The following NOD1 variants were observed in gnomAD, a reference collection of about 807,000 sequenced individuals.
The protein encoded by NOD1 is nucleotide-binding oligomerization domain-containing protein 1.
A neutral mutation model predicts 81.2 loss-of-function variants in NOD1; 70 were observed. That is an observed-to-expected ratio of 0.86 (90% CI 0.71 to 1.05). The LOEUF is 1.05. Among genes scored for constraint, NOD1 ranks in the 50% least tolerant of loss-of-function variants. NOD1 has a pLI of 0.00. For synonymous variants in NOD1, 508 were observed against 526.9 expected, an observed-to-expected ratio of 0.96 and a Z score of 0.49; for missense variants, 1,233 against 1,228.0, an observed-to-expected ratio of 1.00 and a Z score of -0.06.
chr7:30,462,964 A>G (rs1787284225), intron 1 of NOD1, among the ~76,000 whole-genome samples: 1 of 151,578 alleles, frequency 6.6e-6, no homozygotes, highest in African/African-American at 2.4e-5. Context: ...AAAAAAAAAA[A>G]AGATTTCATG....
At chr7:30,457,761 C>A (rs151331508) in intron 3 of NOD1, among the ~76,000 whole-genome samples, 2 of 152,072 alleles carry the variant, frequency 1.3e-5, no homozygotes, top group Non-Finnish European at 2.9e-5. Context: ...GGTCTCAGCA[C>A]AAAATAGCCT....
intron 11 of NOD1, among the ~76,000 whole-genome samples, chr7:30,434,423 C>T (rs898116179): frequency 1.3e-5 from 2 of 152,128 alleles, no homozygotes; most frequent in African/African-American, 2.4e-5. Flanking sequence ...GCGGCTAAAC[C>T]GTCTATGATG....
Position 30,451,284 on chromosome 7 carries a change from G to A in NOD1, c.2133C>T (p.Asp711=). Residue 711 remains aspartate (D), a synonymous_variant, in exon 6 of 14, where the codon GAC becomes GAT. Coordinates refer to ENST00000222823, the MANE Select transcript of NOD1 (RefSeq NM_006092.4). The surrounding 1 kb of genome is among the most constrained non-coding windows in gnomAD (Gnocchi z 4.2). ...CGCCGTAGTCGTTGAGATTGTTGTTGTCTAGGTCTAGGGCCAGCCGCTTGG... is the reference window on the plus strand; with the variant it reads ...CGCCGTAGTCGTTGAGATTGTTGTTATCTAGGTCTAGGGCCAGCCGCTTGG... ...HFPKRLALDL[D]NNNLNDYGVR... is the part of the protein sequence containing the mutation. The A allele has an allele frequency of 3.7e-6, 6 of 1,614,198 alleles. No individual in the cohort carries two copies. The highest frequency in any genetic ancestry group is 5.1e-6 in the Non-Finnish European group (6 of 1,180,038).
intron 8 of NOD1, chr7:30,446,650 C>A: frequency 2.5e-6 from 1 of 403,830 alleles, no homozygotes; most frequent in Non-Finnish European, 4.5e-6. Flanking sequence ...GGGCAAGGGC[C>A]CAAGCTCTTC....
chr7:30,462,988 A>G (rs1032189922), intron 1 of NOD1, among the ~76,000 whole-genome samples: 5 of 151,716 alleles, frequency 3.3e-5, no homozygotes, highest in African/African-American at 1.2e-4. Flanking sequence ...ATGATTCTGA[A>G]AATCTGATCT....
At position 30,446,436 on chromosome 7, in the gene NOD1, CCA is replaced by C; in HGVS notation, c.2370-214_2370-213del. The C allele has an allele frequency of 7.0e-6, 4 of 571,272 alleles. No individual in the cohort carries two copies. In the South Asian group the frequency reaches 8.0e-5, roughly 11 times the overall value. 35.4% of individuals were successfully genotyped at this position (571,272 alleles called of 1,614,324 possible). The stretch of plus-strand genomic sequence containing the variant: ...TCAGGGTTCCTCTCCAGGAGATGGT[CCA>C]CAGTCTCTGCAGAAGCTCAGGGACC... On this transcript the variant is annotated intron_variant, in intron 8 of 13. Coordinates refer to ENST00000222823, the MANE Select transcript of NOD1 (RefSeq NM_006092.4).
intron 1 of NOD1, among the ~76,000 whole-genome samples, chr7:30,471,571 A>G (rs1788278366): frequency 6.6e-6 from 1 of 151,710 alleles, no homozygotes; most frequent in Non-Finnish European, 1.5e-5. Flanking sequence ...GTGCACACAA[A>G]TGATGAATTC....
At chr7:30,430,240 C>T (rs1783825376) in intron 12 of NOD1, among the ~76,000 whole-genome samples, 1 of 152,154 alleles carries the variant, frequency 6.6e-6, no homozygotes, top group African/African-American at 2.4e-5. Context: ...AGTGGAAAAG[C>T]TTTAATAATG....
intron 1 of NOD1, among the ~76,000 whole-genome samples, chr7:30,462,196 A>G (rs1033932941): frequency 1.4e-4 from 21 of 152,264 alleles, no homozygotes; most frequent in African/African-American, 4.6e-4. Flanking sequence ...TCACTGCTGC[A>G]TACAATTTTG....
Position 30,437,483 on chromosome 7 carries a change from T to C in NOD1, c.2537+90A>G. The C allele has an allele frequency of 6.4e-6, 5 of 776,156 alleles. No individual in the cohort carries two copies. The East Asian group carries it at 1.2e-4, about 19-fold the overall frequency. The allele number at this position is 776,156 out of a possible 1,614,324, so 48.1% of individuals were successfully genotyped here. Reference sequence around the variant, plus strand: ...AAATCACACATGCAAATTCCTCTTCTATTAGGAGCACGAATCACCCTTCCC... The same window carrying C: ...AAATCACACATGCAAATTCCTCTTCCATTAGGAGCACGAATCACCCTTCCC... On this transcript the variant is annotated intron_variant, in intron 10 of 13. Coordinates refer to ENST00000222823, the MANE Select transcript of NOD1 (RefSeq NM_006092.4).
At chr7:30,429,527 T>G in intron 12 of NOD1, 70 bp from the exon 13 acceptor site, 4 of 1,355,072 alleles carry the variant, frequency 3.0e-6, no homozygotes, top group South Asian at 1.2e-5. Context: ...GTAAGGGAGT[T>G]GCAAGGGTGT....
chr7:30,468,984 T>A (rs1011209264), intron 1 of NOD1: 2 of 985,334 alleles, frequency 2.0e-6, no homozygotes, highest in Non-Finnish European at 2.4e-6. Context: ...GCCAACAGCA[T>A]CTGGCAGGAG....
intron 1 of NOD1, among the ~76,000 whole-genome samples, chr7:30,477,500 C>T (rs1424915551): frequency 1.3e-5 from 2 of 151,994 alleles, no homozygotes; most frequent in Non-Finnish European, 2.9e-5. Flanking sequence ...CTGGCTTCAC[C>T]GTTTTTTTGT....
rs1788982784 is a variant in NOD1 at position 30,478,154 on chromosome 7, G to T, written c.-352+452C>A. Among the ~76,000 whole-genome samples, 1 of 152,134 alleles carries T rather than the reference G, an allele frequency of 6.6e-6. No homozygotes were observed. The highest frequency in any genetic ancestry group is 2.4e-5 in the African/African-American group (1 of 41,418). The stretch of plus-strand genomic sequence containing the variant: ...GAGCTGCTGTCCCGTCTGCAGGCGG[G>T]ACTCCATGAAGGCCCCTGTCTGCCC... On this transcript the variant is annotated intron_variant, in intron 1 of 13. Coordinates refer to ENST00000222823, the MANE Select transcript of NOD1 (RefSeq NM_006092.4). This position sits in a 1 kb window ranked among gnomAD's most constrained non-coding sequence, Gnocchi z 4.1.
Position 30,451,719 on chromosome 7 carries a change from C to T in NOD1, c.1698G>A (p.Gln566=). ...GCGCCGGACCACTGCCCTGCAGGCA[C>T]TGGAACGGGAGGAAGGGAGGATAGC... ...TSCYPPFLPF[Q]CLQGSGPARE... is the part of the protein sequence containing the mutation. The change falls in exon 6 of 14, where the codon CAG becomes CAA. Residue 566 remains glutamine (Q), a synonymous_variant. Transcript: ENST00000222823. The surrounding 1 kb of genome is among the most constrained non-coding windows in gnomAD (Gnocchi z 4.2). The T allele has an allele frequency of 6.2e-7, 1 of 1,613,888 alleles. No individual in the cohort carries two copies. The highest frequency in any genetic ancestry group is 8.5e-7 in the Non-Finnish European group (1 of 1,180,030).
intron 5 of NOD1, 133 bp downstream of exon 5, chr7:30,455,004 G>T: frequency 1.2e-6 from 1 of 846,774 alleles, no homozygotes; most frequent in Non-Finnish European, 1.8e-6. Flanking sequence ...GGATTCAGCT[G>T]TTCCTTTCTA....
Position 30,467,409 on chromosome 7 carries a change from T to G in NOD1, c.-351-7368A>C, listed in dbSNP as rs1787808554. Reference sequence around the variant, plus strand: ...AAATATTTTAGGGCCTTTTCCTCATTAGGGCATCTCAGGACATCTTGAGGC... The same window carrying G: ...AAATATTTTAGGGCCTTTTCCTCATGAGGGCATCTCAGGACATCTTGAGGC... On this transcript the variant is annotated intron_variant, in intron 1 of 13. Transcript: ENST00000222823. This position sits in a 1 kb window ranked among gnomAD's most constrained non-coding sequence, Gnocchi z 4.5. Among the ~76,000 whole-genome samples, 1 of 152,112 alleles carries G rather than the reference T, an allele frequency of 6.6e-6. No homozygotes were observed. Among genetic ancestry groups the G allele is most frequent in the African/African-American group, 2.4e-5 (1 of 41,440 alleles).
chr7:30,436,061 G>A lies in NOD1; in HGVS notation c.2558C>T (p.Ser853Phe). 6.2e-7 allele frequency: 1 copy of A among 1,614,080 alleles called. No homozygotes were observed. The highest frequency in any genetic ancestry group is 8.5e-7 in the Non-Finnish European group (1 of 1,179,922). The change falls in exon 11 of 14, where the codon TCC becomes TTC. Residue 853 changes from serine (S) to phenylalanine (F), a missense_variant. By Grantham distance (155) the Ser-to-Phe change is radical. Coordinates refer to ENST00000222823, the MANE Select transcript of NOD1 (RefSeq NM_006092.4). Reference sequence around the variant, plus strand: ...CGCAAGGCTCTTTCCTCCTTCTGTGGAGATGCCGTTGGACGCAAGACTAGG... The same window carrying A: ...CGCAAGGCTCTTTCCTCCTTCTGTGAAGATGCCGTTGGACGCAAGACTAGG... Reference protein sequence around the residue: ...TTLSLASNGISTEGGKSLARA... With the variant: ...TTLSLASNGIFTEGGKSLARA...
Position 30,455,222 on chromosome 7 carries a change from G to A in NOD1, c.291C>T (p.Tyr97=), listed in dbSNP as rs931672493. 1.2e-5 allele frequency: 20 copies of A among 1,614,028 alleles called. No individual in the cohort carries two copies. Among genetic ancestry groups the A allele is most frequent in the Middle Eastern group, 1.6e-4 (1 of 6,082 alleles). ...CCAGCAGCCAAGGCCTGAGGTCCAC[G>A]TAGGCATCTGCGAGTTGCTGGAGCA... ...LYLLQQLADA[Y]VDLRPWLLEI... Residue 97 remains tyrosine, a synonymous_variant, in exon 5 of 14, where the codon TAC becomes TAT. Coordinates refer to ENST00000222823, the MANE Select transcript of NOD1 (RefSeq NM_006092.4).
Sources: allele counts gnomAD v4.1 joint callset (sites outside exome capture counted in the v4.1 genomes callset), GRCh38; gene constraint gnomAD v4.1.1; non-coding constraint Gnocchi (gnomAD v3.1); transcripts MANE v1.5; gene names NCBI Gene and HGNC (gene_info 2026-07-23, HGNC 2026-07-21).